ZEB1: variants seen among roughly 807,000 people sequenced by gnomAD.
ZEB1 encodes zinc finger E-box-binding homeobox 1.
In ZEB1, 21 loss-of-function variants were observed where a neutral mutation model predicts 84.9. That is an observed-to-expected ratio of 0.25 (90% CI 0.18 to 0.36). The LOEUF (loss-of-function observed/expected upper bound fraction) is 0.36. Among genes scored for constraint, ZEB1 ranks in the 10% least tolerant of loss-of-function variants. The pLI is 1.00. For missense variants in ZEB1, 1,104 were observed against 1,330.2 expected, an observed-to-expected ratio of 0.83 and a Z score of 2.65; for synonymous variants, 420 against 471.1, an observed-to-expected ratio of 0.89 and a Z score of 1.41.
intron 1 of ZEB1, among the ~76,000 whole-genome samples, chr10:31,385,003 A>G (rs2048364712): frequency 6.6e-6 from 1 of 152,150 alleles, no homozygotes; most frequent in Admixed American, 6.6e-5. Context: ...CATGTTGAAA[A>G]TAGGAAAATT....
intron 4 of ZEB1, among the ~76,000 whole-genome samples, chr10:31,505,191 T>C (rs1192822560): frequency 6.6e-6 from 1 of 152,154 alleles, no homozygotes; most frequent in Non-Finnish European, 1.5e-5. Flanking sequence ...AGTTTGTGAA[T>C]ATTTTTTTGA....
At chr10:31,351,751 T>A (rs1437227743) in intron 1 of ZEB1, among the ~76,000 whole-genome samples, 2 of 152,320 alleles carry the variant, frequency 1.3e-5, no homozygotes, top group South Asian at 2.1e-4. Flanking sequence ...AATATTCCTT[T>A]AAGTCTGCAT....
intron 1 of ZEB1, among the ~76,000 whole-genome samples, chr10:31,458,037 A>G (rs1014354316): frequency 6.6e-6 from 1 of 152,128 alleles, no homozygotes; most frequent in Non-Finnish European, 1.5e-5. Context: ...CTCCCTTCGC[A>G]AAACAGCAGG....
intron 1 of ZEB1, among the ~76,000 whole-genome samples, chr10:31,421,543 C>G (rs2056164219): frequency 1.3e-5 from 2 of 152,014 alleles, no homozygotes; most frequent in Admixed American, 1.3e-4. Context: ...GGGAGCAGTT[C>G]TCTTTTCTCT....
In ZEB1 at chr10:31,411,671, G is replaced by A. The variant is rs200534551; in HGVS notation, c.59-49366G>A. Among the ~76,000 whole-genome samples, 5 of 146,462 alleles carry A rather than the reference G, an allele frequency of 3.4e-5. No individual in the cohort carries two copies. The East Asian group carries it at 8.1e-4, about 24-fold the overall frequency. On this transcript the variant is annotated intron_variant, in intron 1 of 8. Transcript: ENST00000424869. The stretch of plus-strand genomic sequence containing the variant: ...AAAAAAAAAAAGCAGCATTAGGAGA[G>A]AAATTTATAGCACTAAATGCTATAA...
chr10:31,524,501 G>A (rs1350131083), intron 8 of ZEB1, among the ~76,000 whole-genome samples: 1 of 152,050 alleles, frequency 6.6e-6, no homozygotes, highest in Admixed American at 6.5e-5. Context: ...GAGCCACCAC[G>A]CTTGACCCAG....
In ZEB1 at chr10:31,362,764, C is replaced by G. The variant is rs1214230747; in HGVS notation, c.58+43472C>G. 12 of 632,886 alleles carry G rather than the reference C, an allele frequency of 1.9e-5. No individual in the cohort carries two copies. In the East Asian group the frequency reaches 3.7e-4, roughly 20 times the overall value. 39.2% of individuals were successfully genotyped at this position (632,886 alleles called of 1,614,324 possible). ...CCTCAGGTCTCAATCTCTTGATCTC[C>G]TGATCCGCCCGCCTGGGCCTCCCAA... On this transcript the variant is annotated intron_variant, in intron 1 of 8. Transcript: ENST00000424869.
At chr10:31,384,428 G>T (rs1002022148) in intron 1 of ZEB1, among the ~76,000 whole-genome samples, 2 of 152,138 alleles carry the variant, frequency 1.3e-5, no homozygotes, top group Non-Finnish European at 2.9e-5. Context: ...CTGTCTCCCC[G>T]GTTGAAGTTC....
rs201912416 is a variant in ZEB1 at position 31,521,234 on chromosome 10, A to G, written c.1902A>G (p.Gln634=). 2.3e-4 allele frequency: 369 copies of G among 1,614,006 alleles called. 1 individual carries two copies. Among genetic ancestry groups the G allele is most frequent in the Middle Eastern group, 3.3e-4 (2 of 6,084 alleles). The part of the protein sequence containing the change: ...DVVKKWFEKM[Q]AGQISVQSSE... ...TAAAAAAGTGGTTTGAAAAGATGCA[A>G]GCTGGACAGATTTCAGTGCAGTCTT... The change falls in exon 7 of 9, where the codon CAA becomes CAG. Residue 634 remains glutamine (Q), a synonymous_variant. Coordinates refer to ENST00000424869, the MANE Select transcript of ZEB1 (RefSeq NM_001174096.2).
chr10:31,325,001 A>G (rs541102221), intron 1 of ZEB1, among the ~76,000 whole-genome samples: 1 of 152,082 alleles, frequency 6.6e-6, no homozygotes, highest in East Asian at 1.9e-4. Context: ...TTATGTCACT[A>G]AAGGAAACAT....
At chr10:31,525,416 A>T (rs2073234552) in intron 8 of ZEB1, among the ~76,000 whole-genome samples, 1 of 152,190 alleles carries the variant, frequency 6.6e-6, no homozygotes, top group East Asian at 1.9e-4. Flanking sequence ...AAATACTCCC[A>T]TCATGGTGGA....
At chr10:31,524,201 TC>T (rs375994281) in intron 8 of ZEB1, 88 bp downstream of exon 8, 50 of 1,390,904 alleles carry the variant, frequency 3.6e-5, no homozygotes, top group Admixed American at 1.3e-4. Context: ...GAATTTTCTT[TC>T]TTTTTTTTTT....
Position 31,520,988 on chromosome 10 carries a change from C to T in ZEB1, c.1656C>T (p.Asp552=), listed in dbSNP as rs1239295610. The change falls in exon 7 of 9, where the codon GAC becomes GAT. Residue 552 remains aspartate, a synonymous_variant. Coordinates refer to ENST00000424869, the MANE Select transcript of ZEB1 (RefSeq NM_001174096.2). This position sits in a 1 kb window ranked among gnomAD's most constrained non-coding sequence, Gnocchi z 5.1. ...INALPELKHY[D]LKQPTQPPPL... ...CACTTCCAGAATTAAAGCACTATGA[C>T]CTAAAGCAGCCTACTCAGCCTCCTC... 6.2e-7 allele frequency: 1 copy of T among 1,614,046 alleles called. No homozygotes were observed. Among genetic ancestry groups the T allele is most frequent in the Non-Finnish European group, 8.5e-7 (1 of 1,179,994 alleles).
intron 1 of ZEB1, among the ~76,000 whole-genome samples, chr10:31,442,280 CCAT>C (rs951907679): frequency 9.2e-5 from 14 of 151,974 alleles, no homozygotes; most frequent in African/African-American, 3.4e-4. Context: ...AAGCTGGAAA[CCAT>C]CATTCTCAGC....
At position 31,526,825 on chromosome 10, in the gene ZEB1, T is replaced by C. The variant is rs759218345; in HGVS notation, c.2939T>C (p.Met980Thr). The C allele has an allele frequency of 6.2e-7, 1 of 1,614,112 alleles. No individual in the cohort carries two copies. The highest frequency in any genetic ancestry group is 1.1e-5 in the South Asian group (1 of 91,078). Residue 980 changes from methionine to threonine, a missense_variant, in exon 9 of 9, where the codon ATG (methionine) becomes ACG (threonine). By Grantham distance (81) the Met-to-Thr change is moderately conservative. Transcript: ENST00000424869. ...CACTCTGGGTCTTATTCTCAACACA[T>C]GAATCATCGCTACTCCTACTGTAAG... ...FSHSGSYSQHMNHRYSYCKRE... is the reference protein window; with the variant it reads ...FSHSGSYSQHTNHRYSYCKRE...
intron 1 of ZEB1, among the ~76,000 whole-genome samples, chr10:31,382,071 G>C (rs529055837): frequency 2.0e-5 from 3 of 149,562 alleles, no homozygotes; most frequent in Non-Finnish European, 4.4e-5. Flanking sequence ...CTTCATGGCC[G>C]GTGAGAGTCA....
At chr10:31,382,159 C>A (rs2047809718) in intron 1 of ZEB1, among the ~76,000 whole-genome samples, 1 of 152,018 alleles carries the variant, frequency 6.6e-6, no homozygotes, top group Non-Finnish European at 1.5e-5. Flanking sequence ...CCTCTGCTTG[C>A]ATGCCACCTT....
chr10:31,521,023 C>A lies in ZEB1; in HGVS notation c.1691C>A (p.Ala564Glu), dbSNP rs774695750. 5.8e-5 allele frequency: 94 copies of A among 1,614,062 alleles called. No individual in the cohort carries two copies. In the East Asian group the frequency reaches 2.0e-3, roughly 35 times the overall value. The part of the protein sequence containing the change: ...KQPTQPPPLP[A>E]AEAEKPESSV... ...CCTACTCAGCCTCCTCCACTCCCTG[C>A]AGCAGAAGCTGAGAAGCCTGAGTCC... Residue 564 changes from alanine (A) to glutamate (E), a missense_variant, in exon 7 of 9, where the codon GCA becomes GAA. This residue lies in a region of ZEB1 where 531 missense variants were observed against 575.2 expected (regional missense o/e 0.92). Coordinates refer to ENST00000424869, the MANE Select transcript of ZEB1 (RefSeq NM_001174096.2).
At position 31,451,726 on chromosome 10, in the gene ZEB1, C is replaced by A. The variant is rs533861309; in HGVS notation, c.59-9311C>A. Among the ~76,000 whole-genome samples the A allele has an allele frequency of 1.6e-4, 24 of 152,168 alleles. No individual in the cohort carries two copies. The East Asian group carries it at 3.7e-3, about 23-fold the overall frequency. On this transcript the variant is annotated intron_variant, in intron 1 of 8. Transcript: ENST00000424869. ...TATCTGTGAGTTGTACGAACACTGG[C>A]TGAAATTAGCTCATTGAGTGGATGG...
Sources: allele counts gnomAD v4.1 joint callset (sites outside exome capture counted in the v4.1 genomes callset), GRCh38; gene constraint gnomAD v4.1.1; regional missense constraint gnomAD v4.1.1; non-coding constraint Gnocchi (gnomAD v3.1); transcripts MANE v1.5; gene names NCBI Gene and HGNC (gene_info 2026-07-23, HGNC 2026-07-21).